Variants in TEX9 observed in about 807,000 individuals in gnomAD.
The protein encoded by TEX9 is testis expressed 9.
Under a neutral mutation model 59.6 loss-of-function variants are expected in TEX9, and 74 were observed. That is an observed-to-expected ratio of 1.24 (90% confidence interval 1.03 to 1.51). TEX9 has a LOEUF of 1.51. Ranked by LOEUF, TEX9 falls within the 40% of genes most tolerant of loss-of-function variation. TEX9 has a pLI of 0.00. For synonymous variants in TEX9, 186 were observed against 152.2 expected, an observed-to-expected ratio of 1.22 and a Z score of -1.64; for missense variants, 522 against 447.8, an observed-to-expected ratio of 1.17 and a Z score of -1.49.
In TEX9 at chr15:56,317,157, G is replaced by A. The variant is rs372635088; in HGVS notation, c.-106-56284G>A. Among the ~76,000 whole-genome samples, 15 of 152,190 alleles carry A rather than the reference G, an allele frequency of 9.9e-5. 1 individual carries two copies. Among genetic ancestry groups the A allele is most frequent in the Non-Finnish European group, 1.3e-4 (9 of 67,986 alleles). On this transcript the variant is annotated intron_variant, in intron 1 of 5. Coordinates refer to the TEX9 transcript ENST00000560827. ...CTGTAGACCGGAGCTGTTCCTATTT[G>A]GCCATCTTGGCTCCTCCCCCCTTGT... is the stretch of plus-strand genomic sequence containing the variant.
At chr15:56,390,709 GA>G (rs569111238) in intron 6 of TEX9, among the ~76,000 whole-genome samples, 3 of 151,946 alleles carry the variant, frequency 2.0e-5, no homozygotes, top group African/African-American at 4.8e-5. Context: ...TCTTTGGGTG[GA>G]AAAAATGTTG....
intron 1 of TEX9, among the ~76,000 whole-genome samples, chr15:56,268,641 A>G (rs1220042311): frequency 1.3e-5 from 2 of 150,816 alleles, no homozygotes; most frequent in Non-Finnish European, 2.9e-5. Flanking sequence ...TGATTTGTGT[A>G]TGTTGAACCA....
chr15:56,380,230 T>G, intron 3 of TEX9, among the ~76,000 whole-genome samples: 1 of 152,192 alleles, frequency 6.6e-6, no homozygotes, highest in Non-Finnish European at 1.5e-5. Flanking sequence ...TACTATCATA[T>G]AACCCATTGT....
chr15:56,394,771 T>G (rs2048377027), exon 9 of TEX9: 1 of 1,613,030 alleles, frequency 6.2e-7, no homozygotes, highest in Non-Finnish European at 8.5e-7. Flanking sequence ...AATACAAAAC[T>G]CTTTTCGAAG....
chr15:56,361,579 G>A (rs749489295), upstream of TEX9, among the ~76,000 whole-genome samples: 5 of 151,870 alleles, frequency 3.3e-5, no homozygotes, highest in South Asian at 2.1e-4. Context: ...GTATAATTTC[G>A]GTTATAGGTT....
Position 56,432,259 on chromosome 15 carries a change from G to A in TEX9, c.*29+3786G>A, listed in dbSNP as rs529389087. Among the ~76,000 whole-genome samples, 24 of 152,248 alleles carry A rather than the reference G, an allele frequency of 1.6e-4. No individual in the cohort carries two copies. The South Asian group carries it at 5.0e-3, about 32-fold the overall frequency. Reference sequence around the variant, plus strand: ...CCACATTCAATGTTTATCCTAAAAAGAAAAATTTATAGTAAATTAAATTGT... The same window carrying A: ...CCACATTCAATGTTTATCCTAAAAAAAAAAATTTATAGTAAATTAAATTGT... On this transcript the variant is annotated intron_variant, in intron 12 of 12. Coordinates refer to ENST00000352903, the Ensembl canonical transcript of TEX9.
At chr15:56,288,545 C>G (rs1304589089) in intron 1 of TEX9, among the ~76,000 whole-genome samples, 2 of 152,026 alleles carry the variant, frequency 1.3e-5, no homozygotes, top group Non-Finnish European at 2.9e-5. Flanking sequence ...CCCTTCAGCA[C>G]TTTGAATATA....
At chr15:56,434,064 A>G in intron 12 of TEX9, 2 of 1,458,688 alleles carry the variant, frequency 1.4e-6, no homozygotes, top group Non-Finnish European at 1.9e-6. Flanking sequence ...TTCTCAGTAA[A>G]TGTTTAGTGG....
At chr15:56,365,824 C>A (rs895580414) in intron 2 of TEX9, 154 bp downstream of exon 2, 4 of 1,445,808 alleles carry the variant, frequency 2.8e-6, no homozygotes, top group East Asian at 5.0e-5. Context: ...TTTATCCTTT[C>A]TTTGTCTTTG....
intron 1 of TEX9, among the ~76,000 whole-genome samples, chr15:56,286,568 T>C (rs1350779538): frequency 2.0e-5 from 3 of 152,142 alleles, no homozygotes; most frequent in Non-Finnish European, 2.9e-5. Context: ...GTAGAGACCA[T>C]TGGATATAGG....
chr15:56,302,878 G>A (rs1159556774), intron 1 of TEX9, among the ~76,000 whole-genome samples: 1 of 152,196 alleles, frequency 6.6e-6, no homozygotes, highest in Non-Finnish European at 1.5e-5. Flanking sequence ...GATGTTTCAT[G>A]TAAATGGAAA....
chr15:56,400,062 C>G (rs564516250), intron 9 of TEX9, among the ~76,000 whole-genome samples: 6 of 152,166 alleles, frequency 3.9e-5, no homozygotes, highest in Non-Finnish European at 8.8e-5. Flanking sequence ...ATTCTAAAAA[C>G]CAGAGCACCT....
chr15:56,343,382 A>G (rs2046408316), intron 1 of TEX9, among the ~76,000 whole-genome samples: 1 of 152,114 alleles, frequency 6.6e-6, no homozygotes, highest in South Asian at 2.1e-4. Flanking sequence ...GAAAGGTAAT[A>G]ATAAAGCTAA....
intron 1 of TEX9, among the ~76,000 whole-genome samples, chr15:56,303,511 G>A (rs2114184): frequency 0.97 from 148,121 of 152,224 alleles, 72,202 homozygotes; most frequent in East Asian, 1. Context: ...GAAACACAAC[G>A]TATCAAAACC....
downstream of TEX9, among the ~76,000 whole-genome samples, chr15:56,448,266 A>G (rs1461657305): frequency 6.6e-6 from 1 of 152,144 alleles, no homozygotes; most frequent in Admixed American, 6.5e-5. Context: ...CAACTTTTAG[A>G]TACTGGGGGT....
At chr15:56,319,432 G>T (rs1305520369) in intron 1 of TEX9, among the ~76,000 whole-genome samples, 3 of 151,710 alleles carry the variant, frequency 2.0e-5, no homozygotes, top group Admixed American at 6.6e-5. Context: ...CCCTTCTGAT[G>T]CTCTGATTGC....
intron 12 of TEX9, among the ~76,000 whole-genome samples, chr15:56,443,199 T>G (rs74724695): frequency 1.3e-5 from 2 of 152,174 alleles, no homozygotes; most frequent in Admixed American, 1.3e-4. Context: ...TTTTAAATTG[T>G]GATTACAGAC....
intron 1 of TEX9, among the ~76,000 whole-genome samples, chr15:56,341,328 T>C (rs986934029): frequency 6.6e-6 from 1 of 152,220 alleles, no homozygotes; most frequent in African/African-American, 2.4e-5. Context: ...CCAGTGCATC[T>C]CCTTCTAGTA....
intron 10 of TEX9, 71 bp downstream of exon 10, chr15:56,412,507 A>G (rs2049408668): frequency 6.9e-7 from 1 of 1,440,756 alleles, no homozygotes; most frequent in Admixed American, 2.3e-5. Flanking sequence ...CATGTCAAAA[A>G]TAATACTTAA....
Sources: gnomAD v4.1 joint callset for allele counts (sites outside exome capture counted in the v4.1 genomes callset) on GRCh38, gnomAD v4.1.1 for gene constraint, MANE v1.5 for transcripts, NCBI Gene and HGNC (gene_info 2026-07-23, HGNC 2026-07-21) for gene names.